OPHN1: variants seen among roughly 807,000 people sequenced by gnomAD.
OPHN1 encodes the protein oligophrenin 1, also known as oligophrenin-1.
A neutral mutation model predicts 60.7 loss-of-function variants in OPHN1; 11 were observed. The ratio of observed to expected loss-of-function variants is 0.18; its 90% CI spans 0.11 to 0.30. The LOEUF (loss-of-function observed/expected upper bound fraction) is 0.30, where lower values mean the gene tolerates loss of function less well. Among genes scored for constraint, OPHN1 ranks in the 10% least tolerant of loss-of-function variants. The probability of loss-of-function intolerance (pLI) is 1.00; values close to 1 mark genes in which losing one functional copy is unlikely to be tolerated. For synonymous variants in OPHN1, 226 were observed against 222.6 expected (o/e 1.02, Z -0.14); for missense variants, 449 against 611.0 (o/e 0.73, Z 2.80).
intron 2 of OPHN1, among the ~76,000 whole-genome samples, chrX:68,388,381 A>T: frequency 9.4e-6 from 1 of 106,010 alleles, no homozygotes; most frequent in African/African-American, 3.5e-5. Flanking sequence ...AATGGCTTGA[A>T]CCCAGGAGGC....
chrX:68,355,949 C>G (rs1274960181), intron 2 of OPHN1, among the ~76,000 whole-genome samples: 1 of 110,439 alleles, frequency 9.1e-6, no homozygotes, highest in East Asian at 2.9e-4. Context: ...ACTTGGGAGG[C>G]TGAAGCAGGA....
At chrX:68,214,002 A>G in intron 6 of OPHN1, 30 bp from the exon 7 acceptor site, 1 of 860,236 alleles carries the variant, frequency 1.2e-6, no homozygotes, top group Non-Finnish European at 1.7e-6. Flanking sequence ...AACATTACAT[A>G]TTGGGATATT....
intron 2 of OPHN1, among the ~76,000 whole-genome samples, chrX:68,355,098 C>T (rs1328104789): frequency 1.8e-5 from 2 of 111,905 alleles, no homozygotes; most frequent in Non-Finnish European, 3.8e-5. Context: ...TTAAGCTCTG[C>T]AGAATTCCTT....
intron 6 of OPHN1, among the ~76,000 whole-genome samples, chrX:68,225,007 C>T (rs928015482): frequency 3.6e-5 from 4 of 112,099 alleles, no homozygotes; most frequent in Non-Finnish European, 7.5e-5. Flanking sequence ...CCTGGAAAAT[C>T]GGGACACTCC....
At chrX:68,194,555 C>T (rs1439186364) in intron 12 of OPHN1, 57 bp from the exon 13 acceptor site, 1 of 964,523 alleles carries the variant, frequency 1.0e-6, no homozygotes, top group Non-Finnish European at 1.5e-6. Context: ...TATAGGAAAA[C>T]AGAGAACATA....
intron 2 of OPHN1, among the ~76,000 whole-genome samples, chrX:68,426,356 G>A (rs2078855820): frequency 1.9e-5 from 2 of 106,252 alleles, no homozygotes; most frequent in South Asian, 4.4e-4. Context: ...CACCAGAATC[G>A]CTTGAACCCA....
chrX:68,223,293 C>T (rs776899816), intron 6 of OPHN1, among the ~76,000 whole-genome samples: 2 of 112,272 alleles, frequency 1.8e-5, no homozygotes, highest in Non-Finnish European at 3.8e-5. Flanking sequence ...AATCTAAGTG[C>T]CCATCAACTG....
At chrX:68,281,180 T>A (rs113701618) in intron 4 of OPHN1, among the ~76,000 whole-genome samples, 1 of 111,896 alleles carries the variant, frequency 8.9e-6, no homozygotes, top group Non-Finnish European at 1.9e-5. Context: ...ATTACTACCA[T>A]GCTAAAGTAA....
At chrX:68,105,164 C>T (rs2077075842) in intron 18 of OPHN1, among the ~76,000 whole-genome samples, 1 of 110,174 alleles carries the variant, frequency 9.1e-6, no homozygotes, top group African/African-American at 3.3e-5. Flanking sequence ...ACAACAGATG[C>T]TGGAGAGGAT....
intron 15 of OPHN1, among the ~76,000 whole-genome samples, chrX:68,165,392 G>C (rs923077734): frequency 4.0e-5 from 3 of 74,641 alleles, no homozygotes; most frequent in African/African-American, 1.5e-4. Flanking sequence ...AGAGTTATTC[G>C]TTGCCATAAC....
intron 5 of OPHN1, among the ~76,000 whole-genome samples, chrX:68,259,408 G>A (rs752964171): frequency 9.0e-6 from 1 of 111,021 alleles, no homozygotes; most frequent in East Asian, 2.8e-4. Context: ...CTGTGATTGT[G>A]CCACTGTACT....
chrX:68,227,825 C>A (rs1168467732), intron 6 of OPHN1, among the ~76,000 whole-genome samples: 1 of 110,449 alleles, frequency 9.1e-6, no homozygotes, highest in Non-Finnish European at 1.9e-5. Context: ...AATTGACACC[C>A]TAACATCACA....
intron 15 of OPHN1, among the ~76,000 whole-genome samples, chrX:68,168,799 C>G (rs2077373343): frequency 9.0e-6 from 1 of 110,936 alleles, no homozygotes; most frequent in Non-Finnish European, 1.9e-5. Context: ...CAAATAGATG[C>G]AATAAAAAAT....
At chrX:68,179,241 A>G (rs1324742247) in intron 15 of OPHN1, among the ~76,000 whole-genome samples, 1 of 111,730 alleles carries the variant, frequency 9.0e-6, no homozygotes, top group Non-Finnish European at 1.9e-5. Context: ...GAAGCTCTTG[A>G]TTTTTCTAAC....
chrX:68,075,036 TA>T (rs1406264562), intron 19 of OPHN1, among the ~76,000 whole-genome samples: 1 of 111,924 alleles, frequency 8.9e-6, no homozygotes, highest in Non-Finnish European at 1.9e-5. Flanking sequence ...CTGAAACAAG[TA>T]AAAACAAAAC....
At chrX:68,103,625 T>TC (rs1161199030) in intron 18 of OPHN1, among the ~76,000 whole-genome samples, 2 of 102,485 alleles carry the variant, frequency 2.0e-5, no homozygotes, top group Admixed American at 1.1e-4. Flanking sequence ...TTCAACACCC[T>TC]CCATGCTAAA....
At chrX:68,146,542 T>C (rs557087348) in intron 15 of OPHN1, among the ~76,000 whole-genome samples, 2 of 112,557 alleles carry the variant, frequency 1.8e-5, no homozygotes, top group South Asian at 3.7e-4. Context: ...CTCTGGGATA[T>C]GGATTAATAC....
At chrX:68,203,159 G>A (rs1469078077) in intron 10 of OPHN1, among the ~76,000 whole-genome samples, 47 of 111,428 alleles carry the variant, frequency 4.2e-4, no homozygotes, top group Non-Finnish European at 5.7e-5. Context: ...GGAGGCTGAG[G>A]CAGGAGAATC....
intron 3 of OPHN1, among the ~76,000 whole-genome samples, chrX:68,284,453 C>T (rs1051819723): frequency 9.0e-6 from 1 of 110,773 alleles, no homozygotes; most frequent in Admixed American, 9.7e-5. Context: ...GATGCTGATG[C>T]CATGCTTCCT....
Sources: allele counts gnomAD v4.1 joint callset (sites outside exome capture counted in the v4.1 genomes callset), GRCh38; gene constraint gnomAD v4.1.1; transcripts MANE v1.5; gene names NCBI Gene and HGNC (gene_info 2026-07-23, HGNC 2026-07-21).